Variants in GRIPAP1 observed in about 807,000 individuals in gnomAD.
The protein encoded by GRIPAP1 is GRIP1-associated protein 1.
In GRIPAP1, 14 loss-of-function variants were observed where a neutral mutation model predicts 84.1. That is an observed-to-expected ratio of 0.17 (90% CI 0.11 to 0.26). The LOEUF (loss-of-function observed/expected upper bound fraction) is 0.26. GRIPAP1 is among the 10% of genes least tolerant of loss of function. GRIPAP1 has a pLI of 1.00. For missense variants in GRIPAP1, 518 were observed against 674.2 expected (o/e 0.77, Z 2.57); for synonymous variants, 261 against 256.8 (o/e 1.02, Z -0.15).
chrX:49,000,890 G>A (rs1181305918), intron 1 of GRIPAP1: 1 of 109,604 alleles, frequency 9.1e-6, no homozygotes, highest in African/African-American at 3.3e-5. Context: ...CAAGGTCAGA[G>A]GGCTTGGCCT....
intron 21 of GRIPAP1, among the ~76,000 whole-genome samples, chrX:48,980,449 T>C (rs1351631143): frequency 9.1e-6 from 1 of 110,008 alleles, no homozygotes; most frequent in Non-Finnish European, 1.9e-5. Context: ...GAATGAGAGA[T>C]TGTATACAAT....
In GRIPAP1 at chrX:48,985,405, GGA is replaced by G; in HGVS notation, c.1042-5_1042-4del. 5.8e-6 allele frequency: 7 copies of G among 1,208,132 alleles called. No individual in the cohort carries two copies. The highest frequency in any genetic ancestry group is 7.8e-6 in the Non-Finnish European group (7 of 892,408). On this transcript the variant is annotated splice_polypyrimidine_tract_variant and splice_region_variant and intron_variant, in intron 13 of 25. Transcript: ENST00000376423. ...TCTTGGGTCTTTGCTGTTTGGATCT[GGA>G]GAAAGTAGTGGTGATGAGAAGTAGA...
chrX:48,993,830 C>T (rs2064532495), intron 5 of GRIPAP1, among the ~76,000 whole-genome samples: 1 of 111,465 alleles, frequency 9.0e-6, no homozygotes, highest in Non-Finnish European at 1.9e-5. Flanking sequence ...CACCAAAAAC[C>T]ATTTTCCTCT....
In GRIPAP1 at chrX:48,997,288, G is replaced by A. The variant is rs1557067017; in HGVS notation, c.268C>T (p.Arg90Cys). The change falls in exon 5 of 26, where the codon CGT (arginine) becomes TGT (cysteine). Residue 90 changes from arginine (R) to cysteine (C), a missense_variant. Arg to Cys is a radical substitution (Grantham distance 180). Coordinates refer to ENST00000376423, the MANE Select transcript of GRIPAP1 (RefSeq NM_020137.5). ...GCCATTAGTGTGCTGTTCTGCAAAC[G>A]GAAGTCCTCCTCCTGGCTGTGCAGC... ...AKLHSQEEDFRLQNSTLMAEF... is the reference protein window; with the variant it reads ...AKLHSQEEDFCLQNSTLMAEF... The A allele has an allele frequency of 1.7e-6, 2 of 1,184,991 alleles. No individual in the cohort carries two copies. Among genetic ancestry groups the A allele is most frequent in the Non-Finnish European group, 2.3e-6 (2 of 876,266 alleles).
intron 11 of GRIPAP1, 52 bp from the exon 12 acceptor site, chrX:48,988,250 T>G: frequency 1.1e-6 from 1 of 888,735 alleles, no homozygotes; most frequent in East Asian, 3.3e-5. Flanking sequence ...CTGGGGTGCA[T>G]ATAACCGTAC....
intron 11 of GRIPAP1, chrX:48,988,483 A>G (rs1357504463): frequency 6.3e-6 from 2 of 319,003 alleles, no homozygotes; most frequent in African/African-American, 5.3e-5. Flanking sequence ...ATCCATAAGA[A>G]GTCTCATGCT....
At chrX:48,984,432 C>T (rs1226078948) in intron 14 of GRIPAP1, among the ~76,000 whole-genome samples, 2 of 110,814 alleles carry the variant, frequency 1.8e-5, no homozygotes, top group Non-Finnish European at 3.8e-5. Context: ...ATTTAATCTA[C>T]TATTATTCTG....
intron 25 of GRIPAP1, 110 bp downstream of exon 25, chrX:48,975,045 G>A (rs782144783): frequency 1.6e-6 from 1 of 639,408 alleles, no homozygotes; most frequent in Non-Finnish European, 2.4e-6. Context: ...ATAGCTGGGA[G>A]GACAGGCTGG....
intron 11 of GRIPAP1, chrX:48,988,683 A>C: frequency 8.3e-6 from 1 of 120,728 alleles, no homozygotes; most frequent in African/African-American, 3.2e-5. Flanking sequence ...ATAGTCCCAG[A>C]TCCTAGAGGT....
intron 5 of GRIPAP1, among the ~76,000 whole-genome samples, chrX:48,994,430 G>A (rs1557066360): frequency 9.1e-6 from 1 of 109,739 alleles, no homozygotes; most frequent in East Asian, 2.9e-4. Context: ...CGCCATGTTG[G>A]CCAGGCTGGT....
chrX:48,979,679 T>TAG (rs2064444830), intron 21 of GRIPAP1, among the ~76,000 whole-genome samples: 1 of 104,986 alleles, frequency 9.5e-6, no homozygotes, highest in Non-Finnish European at 1.9e-5. Flanking sequence ...TGGCGCAATC[T>TAG]CGGCTCACTG....
intron 11 of GRIPAP1, 153 bp from the exon 12 acceptor site, chrX:48,988,351 G>T (rs957890410): frequency 2.2e-6 from 1 of 454,172 alleles, no homozygotes; most frequent in African/African-American, 2.4e-5. Flanking sequence ...TCACCCAGAC[G>T]CCAGGTCACT....
intron 15 of GRIPAP1, 72 bp downstream of exon 15, chrX:48,983,703 C>T: frequency 1.5e-6 from 1 of 666,158 alleles, no homozygotes; most frequent in Non-Finnish European, 2.5e-6. Context: ...GTTATATCAC[C>T]TCCTCCCATC....
At chrX:49,000,375 A>G (rs2064572228) in intron 1 of GRIPAP1, among the ~76,000 whole-genome samples, 1 of 99,354 alleles carries the variant, frequency 1.0e-5, no homozygotes, top group Non-Finnish European at 2.0e-5. Context: ...AAAAAAAAAA[A>G]AAAAAAAAAA....
chrX:48,975,483 A>C, intron 24 of GRIPAP1, 174 bp from the exon 25 acceptor site: 1 of 425,573 alleles, frequency 2.3e-6, no homozygotes, highest in East Asian at 3.9e-5. Context: ...CACTAGCTCT[A>C]TGGCCCCGAG....
chrX:48,987,897 A>T lies in GRIPAP1; in HGVS notation c.949-20T>A. Reference sequence around the variant, plus strand: ...GGATACCTGGCCCCACGTCCACAGCAGGTGAGAGTGGGTCCAGAACAGGGG... The same window carrying T: ...GGATACCTGGCCCCACGTCCACAGCTGGTGAGAGTGGGTCCAGAACAGGGG... On this transcript the variant is annotated intron_variant, in intron 12 of 25. Transcript: ENST00000376423. 3.7e-6 allele frequency: 4 copies of T among 1,085,945 alleles called. No homozygotes were observed. Among genetic ancestry groups the T allele is most frequent in the Non-Finnish European group, 5.0e-6 (4 of 792,985 alleles). 89.5% of individuals were successfully genotyped at this position (1,085,945 alleles called of 1,213,427 possible). A position where few individuals can be genotyped will look rare whatever the true frequency, so the allele number is the denominator to read the frequency against.
chrX:48,996,309 G>A (rs1004357103), intron 5 of GRIPAP1, among the ~76,000 whole-genome samples: 2 of 111,968 alleles, frequency 1.8e-5, no homozygotes, highest in Non-Finnish European at 3.8e-5. Context: ...TGGAGCCTTA[G>A]AAATACCATT....
At chrX:48,988,322 G>A (rs1324135125) in intron 11 of GRIPAP1, 124 bp from the exon 12 acceptor site, 1 of 491,986 alleles carries the variant, frequency 2.0e-6, no homozygotes, top group Non-Finnish European at 3.5e-6. Context: ...AGACTATCCA[G>A]CCAACAGCAA....
chrX:48,990,072 T>C, intron 8 of GRIPAP1, 69 bp from the exon 9 acceptor site: 1 of 862,769 alleles, frequency 1.2e-6, no homozygotes, highest in East Asian at 3.4e-5. Context: ...AATTAATAAA[T>C]ATAGACACTT....
Sources: gnomAD v4.1 joint callset for allele counts (sites outside exome capture counted in the v4.1 genomes callset) on GRCh38, gnomAD v4.1.1 for gene constraint, MANE v1.5 for transcripts, NCBI Gene and HGNC (gene_info 2026-07-23, HGNC 2026-07-21) for gene names.